MTUS2: variants seen among roughly 807,000 people sequenced by gnomAD.
The protein encoded by MTUS2 is microtubule associated scaffold protein 2.
A neutral mutation model predicts 114.1 loss-of-function variants in MTUS2; 40 were observed. That is an observed-to-expected ratio of 0.35 (90% CI 0.27 to 0.46). The LOEUF (loss-of-function observed/expected upper bound fraction) is 0.46, where lower values mean the gene tolerates loss of function less well. Ranked by LOEUF, MTUS2 falls within the 20% of genes least tolerant of loss-of-function variation. The pLI is 1.00. For missense variants in MTUS2, 1,679 were observed against 1,705.4 expected, an observed-to-expected ratio of 0.98 and a Z score of 0.27; for synonymous variants, 688 against 672.0, an observed-to-expected ratio of 1.02 and a Z score of -0.37.
chr13:29,412,024 A>G (rs1875278987), intron 8 of MTUS2, among the ~76,000 whole-genome samples: 1 of 152,174 alleles, frequency 6.6e-6, no homozygotes, highest in Admixed American at 6.5e-5. Flanking sequence ...TATTATGTAA[A>G]AATAGAGACT....
At chr13:29,348,779 G>A (rs1411241395) in intron 7 of MTUS2, among the ~76,000 whole-genome samples, 6 of 152,156 alleles carry the variant, frequency 3.9e-5, no homozygotes, top group South Asian at 2.1e-4. Flanking sequence ...TGATGAATTG[G>A]CCACTTTATC....
chr13:29,221,439 ATTG>A (rs1050320582), intron 5 of MTUS2, among the ~76,000 whole-genome samples: 4 of 151,868 alleles, frequency 2.6e-5, no homozygotes, highest in African/African-American at 9.7e-5. Flanking sequence ...ATGGTATCTT[ATTG>A]TTTTAATTTT....
At chr13:29,501,239 CTTCT>C (rs769898727) in intron 15 of MTUS2, 45 bp downstream of exon 15, 2 of 1,457,710 alleles carry the variant, frequency 1.4e-6, no homozygotes, top group Non-Finnish European at 1.9e-6. Flanking sequence ...TCCTCTTGAG[CTTCT>C]TTTTGTTGCA....
chr13:29,029,358 C>G lies in MTUS2; in HGVS notation c.2205+2455C>G, dbSNP rs1019519558. On this transcript the variant is annotated intron_variant, in intron 3 of 15. Coordinates refer to ENST00000612955, the MANE Select transcript of MTUS2 (RefSeq NM_001033602.4). ...TGTTCTGGCTAGAGGACACTTGAGT[C>G]TGGCTTTAGGCAGTGGTCTCCAATT... 2.6e-5 allele frequency among the ~76,000 whole-genome samples: 4 copies of G among 152,328 alleles called. No individual in the cohort carries two copies. In the East Asian group the frequency reaches 7.7e-4, roughly 29 times the overall value.
intron 2 of MTUS2, among the ~76,000 whole-genome samples, chr13:28,936,954 G>A (rs1405201676): frequency 6.6e-6 from 1 of 152,192 alleles, no homozygotes; most frequent in Admixed American, 6.5e-5. Context: ...GTGACCTTCT[G>A]TATGGGATGT....
intron 7 of MTUS2, among the ~76,000 whole-genome samples, chr13:29,357,739 A>G (rs1045805800): frequency 3.9e-5 from 6 of 152,256 alleles, no homozygotes; most frequent in Admixed American, 2.6e-4. Flanking sequence ...CACAGTTTCT[A>G]TGAAGCAGTG....
At chr13:29,156,537 T>C (rs1377843850) in intron 5 of MTUS2, among the ~76,000 whole-genome samples, 8 of 152,090 alleles carry the variant, frequency 5.3e-5, no homozygotes, top group Non-Finnish European at 1.5e-5. Context: ...ATCTGGAGTC[T>C]GGGTCTGAAT....
At chr13:29,149,212 T>A (rs1430264836) in intron 5 of MTUS2, among the ~76,000 whole-genome samples, 1 of 152,018 alleles carries the variant, frequency 6.6e-6, no homozygotes, top group Non-Finnish European at 1.5e-5. Context: ...GACTTTTTAA[T>A]AATTCTGACT....
chr13:29,375,765 T>C (rs1181976493), intron 8 of MTUS2, among the ~76,000 whole-genome samples: 1 of 150,656 alleles, frequency 6.6e-6, no homozygotes, highest in Non-Finnish European at 1.5e-5. Flanking sequence ...CCGTATGTTC[T>C]CACTTATAAG....
rs1419887248 is a variant in MTUS2, at chr13:29,302,768, C to T, written c.2806+20903C>T. Among the ~76,000 whole-genome samples, 5 of 152,286 alleles carry T rather than the reference C, an allele frequency of 3.3e-5. No individual in the cohort carries two copies. In the East Asian group the frequency reaches 5.8e-4, roughly 18 times the overall value. Reference sequence around the variant, plus strand: ...CAGGCGGTCCAGATGAGGAAGGGTCCCTCCAATGCAGCACACTTGCTCTAC... The same window carrying T: ...CAGGCGGTCCAGATGAGGAAGGGTCTCTCCAATGCAGCACACTTGCTCTAC... On this transcript the variant is annotated intron_variant, in intron 6 of 15. Transcript: ENST00000612955.
intron 8 of MTUS2, chr13:29,428,887 G>A (rs779494689): frequency 1.9e-6 from 3 of 1,614,042 alleles, no homozygotes; most frequent in Non-Finnish European, 1.7e-6. Context: ...TTCAGTGCCT[G>A]GACAAGACGG....
intron 2 of MTUS2, among the ~76,000 whole-genome samples, chr13:29,002,853 T>C (rs1237019942): frequency 1.3e-5 from 2 of 152,252 alleles, no homozygotes; most frequent in Non-Finnish European, 2.9e-5. Context: ...TAAATATGCT[T>C]CAGTTGCTAG....
intron 2 of MTUS2, among the ~76,000 whole-genome samples, chr13:28,858,050 T>C (rs372678575): frequency 5.4e-4 from 82 of 152,288 alleles, no homozygotes; most frequent in African/African-American, 1.8e-3. Context: ...GGATATAAAG[T>C]AGAGGGATTT....
At chr13:29,383,389 C>G (rs1246872373) in intron 8 of MTUS2, among the ~76,000 whole-genome samples, 2 of 152,044 alleles carry the variant, frequency 1.3e-5, no homozygotes. Context: ...ATGGTCATCT[C>G]AAGTATGGGC....
In MTUS2 at chr13:29,480,613, G is replaced by T. The variant is rs966639419; in HGVS notation, c.3399+249G>T. Among the ~76,000 whole-genome samples, 1 of 152,122 alleles carries T rather than the reference G, an allele frequency of 6.6e-6. No individual in the cohort carries two copies. The highest frequency in any genetic ancestry group is 1.5e-5 in the Non-Finnish European group (1 of 68,022). On this transcript the variant is annotated intron_variant, in intron 10 of 15. Transcript: ENST00000612955. This position sits in a 1 kb window ranked among gnomAD's most constrained non-coding sequence, Gnocchi z 4.4. ...CTGGAATGCTCTCCCTCTAGACAGT[G>T]CATGGCTGCCTCTTGCCCTCCCTTC...
chr13:29,300,664 A>C (rs976857838), intron 6 of MTUS2, among the ~76,000 whole-genome samples: 1 of 152,110 alleles, frequency 6.6e-6, no homozygotes, highest in Non-Finnish European at 1.5e-5. Flanking sequence ...GCCAAATACT[A>C]AGAGTAGTAT....
intron 2 of MTUS2, among the ~76,000 whole-genome samples, chr13:28,888,987 C>A (rs1400666192): frequency 6.6e-6 from 1 of 152,186 alleles, no homozygotes; most frequent in Non-Finnish European, 1.5e-5. Context: ...ACCATCCCCT[C>A]CACCCCTCTC....
At chr13:28,890,156 T>G (rs947006231) in intron 2 of MTUS2, among the ~76,000 whole-genome samples, 2 of 152,198 alleles carry the variant, frequency 1.3e-5, no homozygotes, top group Non-Finnish European at 1.5e-5. Flanking sequence ...TTATTAGAGC[T>G]CTCAGTGATT....
intron 5 of MTUS2, among the ~76,000 whole-genome samples, chr13:29,227,037 C>T (rs1896133970): frequency 6.6e-6 from 1 of 152,090 alleles, no homozygotes; most frequent in Non-Finnish European, 1.5e-5. Flanking sequence ...GCAGGTGGAT[C>T]TCTTGAGATC....
Sources: allele counts gnomAD v4.1 joint callset (sites outside exome capture counted in the v4.1 genomes callset), GRCh38; gene constraint gnomAD v4.1.1; non-coding constraint Gnocchi (gnomAD v3.1); transcripts MANE v1.5; gene names NCBI Gene and HGNC (gene_info 2026-07-23, HGNC 2026-07-21).